The following ZMYM2 variants were observed in gnomAD, a reference collection of about 807,000 sequenced individuals.
The protein encoded by ZMYM2 is zinc finger MYM-type protein 2.
Under a neutral mutation model 162.8 loss-of-function variants are expected in ZMYM2, and 56 were observed. That is an observed-to-expected ratio of 0.34 (90% CI 0.28 to 0.43). The LOEUF is 0.43. Ranked by LOEUF, ZMYM2 falls within the 20% of genes least tolerant of loss-of-function variation. The pLI, the probability that ZMYM2 is intolerant of heterozygous loss-of-function variation, is 1.00. For synonymous variants in ZMYM2, 510 were observed against 541.6 expected, an observed-to-expected ratio of 0.94 and a Z score of 0.81; for missense variants, 1,275 against 1,621.8, an observed-to-expected ratio of 0.79 and a Z score of 3.67.
At chr13:19,870,550 T>TCCTTC in the ZMYM2 span, among the ~76,000 whole-genome samples, 1 of 114,748 alleles carries the variant, frequency 8.7e-6, no homozygotes, top group Non-Finnish European at 1.8e-5. Context: ...TTTCTTTCTT[T>TCCTTC]CTTCCTTCCT....
rs932797115 is a variant in ZMYM2 at position 20,086,102 on chromosome 13, C to A, written c.*88C>A. 2.2e-6 allele frequency: 3 copies of A among 1,376,704 alleles called. No individual in the cohort carries two copies. The highest frequency in any genetic ancestry group is 4.5e-4 in the Middle Eastern group (2 of 4,414). The allele number at this position is 1,376,704 out of a possible 1,614,324, so 85.3% of individuals were successfully genotyped here. A position where few individuals can be genotyped will look rare whatever the true frequency, so the allele number is the denominator to read the frequency against. On this transcript the variant is annotated 3_prime_UTR_variant, in exon 25 of 25. Coordinates refer to ENST00000610343, the MANE Select transcript of ZMYM2 (RefSeq NM_197968.4). Reference sequence around the variant, plus strand: ...TATTATGGAAAACATTTCAAGTTTACTCCTTCTGTTTTGAGTTTTGTAGCA... The same window carrying A: ...TATTATGGAAAACATTTCAAGTTTAATCCTTCTGTTTTGAGTTTTGTAGCA...
At chr13:20,022,409 G>A (rs910021518) in intron 7 of ZMYM2, among the ~76,000 whole-genome samples, 9 of 152,134 alleles carry the variant, frequency 5.9e-5, no homozygotes, top group African/African-American at 2.2e-4. Flanking sequence ...AGCACATGAT[G>A]TCTATGTTTT....
At chr13:19,976,950 A>G (rs1303585825) in intron 2 of ZMYM2, among the ~76,000 whole-genome samples, 1 of 151,998 alleles carries the variant, frequency 6.6e-6, no homozygotes, top group African/African-American at 2.4e-5. Context: ...ATATATTTTG[A>G]TGCTTAGTTG....
chr13:20,050,638 TAAGAA>T (rs774558324), intron 12 of ZMYM2, among the ~76,000 whole-genome samples: 2 of 152,038 alleles, frequency 1.3e-5, no homozygotes, highest in African/African-American at 2.4e-5. Flanking sequence ...GTCAAGACGT[TAAGAA>T]ATAGTGAAAA....
intron 21 of ZMYM2, among the ~76,000 whole-genome samples, chr13:20,079,680 G>T (rs915030416): frequency 3.6e-5 from 4 of 112,576 alleles, no homozygotes; most frequent in Admixed American, 2.6e-4. Flanking sequence ...TCTGTAACAA[G>T]AACAGCAGAT....
At chr13:20,010,441 C>T (rs1951080601) in intron 6 of ZMYM2, among the ~76,000 whole-genome samples, 1 of 152,008 alleles carries the variant, frequency 6.6e-6, no homozygotes, top group African/African-American at 2.4e-5. Context: ...AAGCTCAAGC[C>T]ATCTGCCTGC....
At chr13:20,002,705 G>T in intron 3 of ZMYM2, 145 bp from the exon 4 acceptor site, 1 of 959,208 alleles carries the variant, frequency 1.0e-6, no homozygotes, top group Admixed American at 2.8e-5. Context: ...CAAAACTTGT[G>T]CTATATACCT....
At chr13:20,067,523 A>G (rs1003176248) in intron 21 of ZMYM2, 133 bp downstream of exon 21, 6 of 906,308 alleles carry the variant, frequency 6.6e-6, no homozygotes, top group Non-Finnish European at 9.5e-6. Flanking sequence ...GTTTGCTGCC[A>G]TTTATATATA....
intron 12 of ZMYM2, among the ~76,000 whole-genome samples, chr13:20,044,365 T>C (rs961223154): frequency 1.3e-5 from 2 of 152,196 alleles, no homozygotes; most frequent in African/African-American, 4.8e-5. Flanking sequence ...CCTCAGCATA[T>C]TAGGGGTCAA....
chr13:20,061,602 T>G lies in ZMYM2; in HGVS notation c.2911+378T>G, dbSNP rs575676642. On this transcript the variant is annotated intron_variant, in intron 17 of 24. Coordinates refer to ENST00000610343, the MANE Select transcript of ZMYM2 (RefSeq NM_197968.4). Reference sequence around the variant, plus strand: ...TAGTTTTTTGTTTTGTTTTGTTTTTTTTTTTAGATGAACTCTTGCTCTGTT... The same window carrying G: ...TAGTTTTTTGTTTTGTTTTGTTTTTGTTTTTAGATGAACTCTTGCTCTGTT... Among the ~76,000 whole-genome samples, 176 of 152,262 alleles carry G rather than the reference T, an allele frequency of 1.2e-3. 1 individual carries two copies. The Middle Eastern group carries it at 0.017, about 15-fold the overall frequency.
chr13:20,071,391 T>C (rs1341392657), intron 21 of ZMYM2, among the ~76,000 whole-genome samples: 1 of 152,234 alleles, frequency 6.6e-6, no homozygotes, highest in Non-Finnish European at 1.5e-5. Context: ...AGAAATTTGT[T>C]AAAGCAAGAA....
At chr13:19,942,997 A>G in the ZMYM2 span, among the ~76,000 whole-genome samples, 3 of 152,124 alleles carry the variant, frequency 2.0e-5, no homozygotes, top group Non-Finnish European at 4.4e-5. Context: ...TTAAAACAGC[A>G]CAGATTTATT....
the ZMYM2 span, among the ~76,000 whole-genome samples, chr13:19,889,209 T>C: frequency 6.6e-6 from 1 of 152,002 alleles, no homozygotes; most frequent in East Asian, 1.9e-4. Flanking sequence ...ATTCATATCT[T>C]ACTGGAGATA....
chr13:19,964,138 A>C (rs1306964707), intron 2 of ZMYM2, among the ~76,000 whole-genome samples: 4 of 151,562 alleles, frequency 2.6e-5, no homozygotes, highest in Non-Finnish European at 5.9e-5. Context: ...TAGCTTTGGG[A>C]GACTGAGGCG....
chr13:20,073,816 TTAAA>T (rs1341388478), intron 21 of ZMYM2, among the ~76,000 whole-genome samples: 5 of 149,016 alleles, frequency 3.4e-5, no homozygotes, highest in African/African-American at 5.2e-5. Context: ...GAAGTATGTC[TTAAA>T]TAGTTTTTTT....
chr13:19,972,319 T>TA (rs1490844585), intron 2 of ZMYM2, among the ~76,000 whole-genome samples: 1 of 152,222 alleles, frequency 6.6e-6, no homozygotes, highest in African/African-American at 2.4e-5. Context: ...TAATTTATGT[T>TA]ATCTGTCTTT....
At chr13:19,899,647 C>A in the ZMYM2 span, among the ~76,000 whole-genome samples, 1 of 151,330 alleles carries the variant, frequency 6.6e-6, no homozygotes, top group Non-Finnish European at 1.5e-5. Flanking sequence ...GAAACTCTGT[C>A]TCTACTAAAA....
At chr13:19,969,533 T>C (rs977028192) in intron 2 of ZMYM2, among the ~76,000 whole-genome samples, 2 of 152,202 alleles carry the variant, frequency 1.3e-5, no homozygotes, top group South Asian at 2.1e-4. Context: ...TTGGTAGTTA[T>C]TGTGTTAGAT....
chr13:19,918,655 C>G, the ZMYM2 span, among the ~76,000 whole-genome samples: 1 of 151,410 alleles, frequency 6.6e-6, no homozygotes, highest in African/African-American at 2.4e-5. Flanking sequence ...CCTGCCACCA[C>G]GCCCAGCTAA....
Sources: gnomAD v4.1 joint callset for allele counts (sites outside exome capture counted in the v4.1 genomes callset) on GRCh38, gnomAD v4.1.1 for gene constraint, MANE v1.5 for transcripts, NCBI Gene and HGNC (gene_info 2026-07-23, HGNC 2026-07-21) for gene names.